RNF141: variants seen among roughly 807,000 people sequenced by gnomAD.
The protein encoded by RNF141 is C3HC4-like zinc finger protein.
Under a neutral mutation model 27.4 loss-of-function variants are expected in RNF141, and 18 were observed. That is an observed-to-expected ratio of 0.66 (90% CI 0.45 to 0.97). RNF141 has a LOEUF of 0.97. Among genes scored for constraint, RNF141 ranks in the 50% least tolerant of loss-of-function variants. RNF141 has a pLI of 0.00. For synonymous variants in RNF141, 97 were observed against 96.6 expected (o/e 1.00, Z -0.02); for missense variants, 230 against 279.4 (o/e 0.82, Z 1.26).
intron 1 of RNF141, among the ~76,000 whole-genome samples, chr11:10,539,674 TCAGAA>T (rs1850069746): frequency 2.9e-4 from 1 of 3,492 alleles, no homozygotes; most frequent in Non-Finnish European, 6.7e-4. Context: ...AAGATCTTGA[TCAGAA>T]AAAGATACAT....
In RNF141 at chr11:10,514,834, T is replaced by C. The variant is rs755418142; in HGVS notation, c.*82A>G. 10 of 1,327,678 alleles carry C rather than the reference T, an allele frequency of 7.5e-6. No homozygotes were observed. The highest frequency in any genetic ancestry group is 8.2e-6 in the Non-Finnish European group (8 of 977,052). 82.2% of individuals were successfully genotyped at this position (1,327,678 alleles called of 1,614,324 possible). ...GGGAAAATGGATTTTCCTGTGTCTG[T>C]GCCAGTGCCACAACCCTACATTCTT... is the stretch of plus-strand genomic sequence containing the variant. On this transcript the variant is annotated 3_prime_UTR_variant, in exon 6 of 6. Transcript: ENST00000265981.
At chr11:10,526,548 C>G (rs1444594912) in intron 3 of RNF141, among the ~76,000 whole-genome samples, 7 of 152,034 alleles carry the variant, frequency 4.6e-5, no homozygotes, top group Admixed American at 2.0e-4. Context: ...CTTTGGGAGG[C>G]CGAGGTGGGC....
Position 10,512,086 on chromosome 11 carries a change from G to A in RNF141, c.*2830C>T, listed in dbSNP as rs1441550530. The stretch of plus-strand genomic sequence containing the variant: ...TAATCGGAGTAAACCCTCTGTTACT[G>A]AGTTAGGATAGGGAAAACAAATTCC... On this transcript the variant is annotated 3_prime_UTR_variant, in exon 6 of 6. Transcript: ENST00000265981. 1 of 152,594 alleles carries A rather than the reference G, an allele frequency of 6.6e-6. No individual in the cohort carries two copies. The highest frequency in any genetic ancestry group is 2.4e-5 in the African/African-American group (1 of 41,406). The allele number at this position is 152,594 out of a possible 1,614,324, so 9.5% of individuals were successfully genotyped here.
At chr11:10,539,589 C>A in intron 1 of RNF141, among the ~76,000 whole-genome samples, 1 of 136,776 alleles carries the variant, frequency 7.3e-6, no homozygotes, top group Non-Finnish European at 1.6e-5. Context: ...TTTTTCAAGA[C>A]AAGTTAATAT....
intron 4 of RNF141, 111 bp downstream of exon 4, chr11:10,525,081 G>A (rs200956762): frequency 4.0e-5 from 21 of 522,348 alleles, no homozygotes; most frequent in South Asian, 5.0e-5. Flanking sequence ...TACCAACTGA[G>A]AAAAAAAAAA....
At chr11:10,527,385 G>T (rs1006309853) in intron 3 of RNF141, among the ~76,000 whole-genome samples, 1 of 151,504 alleles carries the variant, frequency 6.6e-6, no homozygotes, top group African/African-American at 2.4e-5. Flanking sequence ...AGAACTGAAA[G>T]GTGCAGAAAT....
intron 4 of RNF141, among the ~76,000 whole-genome samples, chr11:10,519,738 ACT>A (rs1300881196): frequency 6.8e-6 from 1 of 146,038 alleles, no homozygotes; most frequent in Non-Finnish European, 1.5e-5. Flanking sequence ...CAGAGAAGGT[ACT>A]GTGTAAATAC....
At position 10,512,846 on chromosome 11, in the gene RNF141, T is replaced by A. The variant is rs1049716802; in HGVS notation, c.*2070A>T. On this transcript the variant is annotated 3_prime_UTR_variant, in exon 6 of 6. Coordinates refer to ENST00000265981, the MANE Select transcript of RNF141 (RefSeq NM_016422.4). ...ATGCTGGATATCACCAATGCATTAA[T>A]GTTTTTATTCATTGACTTAATCACA... 4 of 152,192 alleles carry A rather than the reference T, an allele frequency of 2.6e-5. No homozygotes were observed. The highest frequency in any genetic ancestry group is 7.2e-5 in the African/African-American group (3 of 41,456). 9.4% of individuals were successfully genotyped at this position (152,192 alleles called of 1,614,324 possible). A position where few individuals can be genotyped will look rare whatever the true frequency, so the allele number is the denominator to read the frequency against.
intron 1 of RNF141, among the ~76,000 whole-genome samples, chr11:10,539,687 C>CAT (rs1330301830): frequency 3.9e-5 from 2 of 50,886 alleles, no homozygotes; most frequent in Non-Finnish European, 7.6e-5. Flanking sequence ...GAAAAAGATA[C>CAT]ATACATATAT....
At chr11:10,530,045 G>T (rs1173242768) in intron 3 of RNF141, among the ~76,000 whole-genome samples, 1 of 152,086 alleles carries the variant, frequency 6.6e-6, no homozygotes, top group South Asian at 2.1e-4. Context: ...CTTTGTTTTA[G>T]AGCCGGGGTG....
At chr11:10,520,495 C>T (rs1030810460) in intron 4 of RNF141, among the ~76,000 whole-genome samples, 4 of 152,180 alleles carry the variant, frequency 2.6e-5, no homozygotes, top group East Asian at 1.9e-4. Context: ...GTAACATGCA[C>T]GGAGCTGTCA....
At position 10,530,742 on chromosome 11, in the gene RNF141, T is replaced by C; in HGVS notation, c.153A>G (p.Lys51=). 1.2e-6 allele frequency: 2 copies of C among 1,601,364 alleles called. No individual in the cohort carries two copies. The highest frequency in any genetic ancestry group is 1.7e-6 in the Non-Finnish European group (2 of 1,172,314). Residue 51 remains lysine, a synonymous_variant, in exon 3 of 6, where the codon AAA becomes AAG. Coordinates refer to ENST00000265981, the MANE Select transcript of RNF141 (RefSeq NM_016422.4). ...RVAELNDVTA[K]VASGQEKHLL... is the part of the protein sequence containing the mutation. ...GATGTTTTTCCTGGCCAGAAGCCACTTTAGCCGTTCTGAAAAGAGACAAGA... is the reference window on the plus strand; with the variant it reads ...GATGTTTTTCCTGGCCAGAAGCCACCTTAGCCGTTCTGAAAAGAGACAAGA...
At chr11:10,518,209 C>T (rs1437141181) in intron 5 of RNF141, 1 of 152,090 alleles carries the variant, frequency 6.6e-6, no homozygotes, top group Admixed American at 6.6e-5. Context: ...GTTAAACACA[C>T]ACATACCATA....
intron 5 of RNF141, chr11:10,515,847 A>T (rs1429175465): frequency 1.3e-5 from 2 of 152,248 alleles, no homozygotes; most frequent in East Asian, 3.8e-4. Context: ...ACAAAGTTAA[A>T]AGATAAACTT....
chr11:10,515,137 A>G, intron 5 of RNF141, 71 bp from the exon 6 acceptor site: 1 of 1,469,146 alleles, frequency 6.8e-7, no homozygotes, highest in African/African-American at 1.4e-5. Context: ...TTAAAGTAAT[A>G]CATGCACATG....
intron 1 of RNF141, among the ~76,000 whole-genome samples, chr11:10,539,699 T>TA (rs56298076): frequency 0.44 from 32,010 of 72,478 alleles, 11,665 homozygotes; most frequent in East Asian, 0.7. Flanking sequence ...TACATATATA[T>TA]TAGAGAGAGA....
chr11:10,520,485 G>A (rs1430038531), intron 4 of RNF141, among the ~76,000 whole-genome samples: 5 of 152,200 alleles, frequency 3.3e-5, no homozygotes, highest in Non-Finnish European at 5.9e-5. Flanking sequence ...TTCAGGGGCA[G>A]TAACATGCAC....
intron 1 of RNF141, among the ~76,000 whole-genome samples, chr11:10,539,768 T>A (rs1850076605): frequency 7.5e-6 from 1 of 133,172 alleles, no homozygotes; most frequent in African/African-American, 2.8e-5. Flanking sequence ...AATATGGATT[T>A]CTCACAGTAA....
Position 10,533,996 on chromosome 11 carries a change from A to C in RNF141, c.143+20T>G. The C allele has an allele frequency of 6.2e-7, 1 of 1,607,626 alleles. No individual in the cohort carries two copies. The highest frequency in any genetic ancestry group is 8.5e-7 in the Non-Finnish European group (1 of 1,177,480). On this transcript the variant is annotated intron_variant, in intron 2 of 5. Coordinates refer to ENST00000265981, the MANE Select transcript of RNF141 (RefSeq NM_016422.4). ...CATACAACAAGGGGAAAAACGAAAA[A>C]CAAAAAGAGCAAGCCTTACACATCA...
Sources: allele counts gnomAD v4.1 joint callset (sites outside exome capture counted in the v4.1 genomes callset), GRCh38; gene constraint gnomAD v4.1.1; transcripts MANE v1.5; gene names NCBI Gene and HGNC (gene_info 2026-07-23, HGNC 2026-07-21).